SDC3: variants seen among roughly 807,000 people sequenced by gnomAD.
The protein encoded by SDC3 is syndecan-3.
Under a neutral mutation model 24.4 loss-of-function variants are expected in SDC3, and 13 were observed. The observed-to-expected ratio is 0.53, with a 90% CI of 0.35 to 0.85. The LOEUF (loss-of-function observed/expected upper bound fraction) is 0.85. Ranked by LOEUF, SDC3 falls within the 40% of genes least tolerant of loss-of-function variation. SDC3 has a pLI of 0.01. For missense variants in SDC3, 571 were observed against 584.5 expected, an observed-to-expected ratio of 0.98 and a Z score of 0.24; for synonymous variants, 295 against 260.9, an observed-to-expected ratio of 1.13 and a Z score of -1.26.
intron 2 of SDC3, 50 bp from the exon 3 acceptor site, chr1:30,877,215 G>C (rs746457510): frequency 2.5e-6 from 4 of 1,610,598 alleles, no homozygotes; most frequent in Non-Finnish European, 3.4e-6. Flanking sequence ...GTGGTTGTGA[G>C]GGGCATGAGG....
chr1:30,882,720 C>G (rs1570003869), intron 1 of SDC3, among the ~76,000 whole-genome samples: 1 of 152,238 alleles, frequency 6.6e-6, no homozygotes, highest in Non-Finnish European at 1.5e-5. Flanking sequence ...ACCCCATCCT[C>G]TCTCAGAGCC....
intron 1 of SDC3, among the ~76,000 whole-genome samples, chr1:30,904,922 C>T (rs1005085914): frequency 6.6e-6 from 1 of 152,178 alleles, no homozygotes; most frequent in African/African-American, 2.4e-5. Flanking sequence ...GAGGCTGACA[C>T]CATTACTGTC....
chr1:30,893,274 A>C, intron 1 of SDC3, among the ~76,000 whole-genome samples: 1 of 99,874 alleles, frequency 1.0e-5, no homozygotes, highest in Non-Finnish European at 1.9e-5. Flanking sequence ...CCACTGTGCC[A>C]TGGTCCATAC....
At chr1:30,905,538 G>A (rs189335511) in intron 1 of SDC3, among the ~76,000 whole-genome samples, 55 of 151,718 alleles carry the variant, frequency 3.6e-4, no homozygotes, top group African/African-American at 1.2e-3. Context: ...TTCCATTCTC[G>A]CATTGTCTCC....
chr1:30,876,834 A>C lies in SDC3; in HGVS notation c.588T>G (p.Phe196Leu), dbSNP rs1282927830. 1.2e-6 allele frequency: 2 copies of C among 1,611,536 alleles called. No individual in the cohort carries two copies. The highest frequency in any genetic ancestry group is 2.7e-5 in the African/African-American group (2 of 74,754). Reference protein sequence around the residue: ...ATPSTPAAPPFTATTAVIRTT... With the variant: ...ATPSTPAAPPLTATTAVIRTT... ...TCCTTATAACAGCAGTGGTGGCCGT[A>C]AAAGGGGGTGCTGCAGGGGTGCTGG... is the stretch of plus-strand genomic sequence containing the variant. Residue 196 changes from phenylalanine to leucine, a missense_variant, in exon 3 of 5, where the codon TTT (phenylalanine) becomes TTG (leucine). This residue lies in a region of SDC3 where 497 missense variants were observed against 471.6 expected (regional missense o/e 1.05). Transcript: ENST00000339394.
In SDC3 at chr1:30,874,411, G is replaced by A. The variant is rs1639595369; in HGVS notation, c.1048C>T (p.Leu350=). 1 of 1,614,178 alleles carries A rather than the reference G, an allele frequency of 6.2e-7. No homozygotes were observed. The highest frequency in any genetic ancestry group is 1.6e-4 in the Middle Eastern group (1 of 6,062). ...AAKASSPPGT[L]PKGARPGPGL... is the part of the protein sequence containing the mutation. ...GGGCCCGGGCGGGCACCCTTGGGCA[G>A]TGTCCCAGGTGGAGATGATGCCTTG... Residue 350 remains leucine (L), a synonymous_variant, in exon 4 of 5, where the codon CTG becomes TTG. Transcript: ENST00000339394.
chr1:30,907,036 G>T (rs1172563946), intron 1 of SDC3, among the ~76,000 whole-genome samples: 2 of 152,188 alleles, frequency 1.3e-5, no homozygotes, highest in Admixed American at 1.3e-4. Flanking sequence ...GTCCATCCAA[G>T]AAGCAAGCTT....
At chr1:30,907,485 CGCT>C (rs1288377324) in intron 1 of SDC3, among the ~76,000 whole-genome samples, 1 of 152,206 alleles carries the variant, frequency 6.6e-6, no homozygotes, top group Non-Finnish European at 1.5e-5. Context: ...TGCATGCACA[CGCT>C]GCTATGTGCA....
intron 3 of SDC3, 132 bp from the exon 4 acceptor site, chr1:30,874,720 A>G (rs1569989114): frequency 1.2e-6 from 1 of 819,652 alleles, no homozygotes; most frequent in African/African-American, 1.7e-5. Flanking sequence ...CACTATCCCC[A>G]TGAAGGAGTG....
At chr1:30,875,603 G>C (rs1165552185) in intron 3 of SDC3, among the ~76,000 whole-genome samples, 2 of 152,176 alleles carry the variant, frequency 1.3e-5, no homozygotes, top group Non-Finnish European at 2.9e-5. Context: ...AGTGCACCCA[G>C]CTGGGACCAG....
At chr1:30,874,970 G>A (rs1639613675) in intron 3 of SDC3, among the ~76,000 whole-genome samples, 1 of 152,218 alleles carries the variant, frequency 6.6e-6, no homozygotes, top group African/African-American at 2.4e-5. Flanking sequence ...GAAGCTGTTT[G>A]GGAACTGCTG....
intron 1 of SDC3, among the ~76,000 whole-genome samples, chr1:30,895,374 T>C (rs1639986300): frequency 6.6e-6 from 1 of 152,210 alleles, no homozygotes. Flanking sequence ...CCTCTGGATC[T>C]GAGATTGTCC....
chr1:30,891,407 G>A (rs1395658680), intron 1 of SDC3, among the ~76,000 whole-genome samples: 2 of 152,236 alleles, frequency 1.3e-5, no homozygotes, highest in Non-Finnish European at 2.9e-5. Context: ...GCAGAGGCCT[G>A]TCTGTCCTGG....
At chr1:30,879,301 C>T (rs566268011) in intron 1 of SDC3, among the ~76,000 whole-genome samples, 18 of 152,280 alleles carry the variant, frequency 1.2e-4, no homozygotes, top group African/African-American at 4.3e-4. Context: ...CCAGGAGGTG[C>T]CCCCTCACAA....
rs572638349 is a variant in SDC3, at chr1:30,873,914, G to A, written c.1162+383C>T. ...TAGATGCGGCCAGGGCAGGTCCACA[G>A]GGACTGGGGTCAAAAACTGGGGAAG... On this transcript the variant is annotated intron_variant, in intron 4 of 4. Coordinates refer to ENST00000339394, the MANE Select transcript of SDC3 (RefSeq NM_014654.4). 5.3e-5 allele frequency among the ~76,000 whole-genome samples: 8 copies of A among 152,206 alleles called. No homozygotes were observed. In the South Asian group the frequency reaches 1.7e-3, roughly 32 times the overall value.
intron 1 of SDC3, among the ~76,000 whole-genome samples, chr1:30,884,735 T>C (rs1166251492): frequency 2.0e-5 from 3 of 152,156 alleles, no homozygotes; most frequent in Non-Finnish European, 4.4e-5. Context: ...CCAAGCATGG[T>C]GGTCTAAGGG....
chr1:30,877,388 G>T (rs202203167), intron 2 of SDC3: 66 of 639,810 alleles, frequency 1.0e-4, no homozygotes, highest in Non-Finnish European at 1.6e-4. Context: ...AATTCTGGGG[G>T]CCGCCTCTCC....
Position 30,908,436 on chromosome 1 carries a change from G to T in SDC3, c.138+13C>A, listed in dbSNP as rs1482668333. 2.9e-6 allele frequency: 3 copies of T among 1,034,124 alleles called. No individual in the cohort carries two copies. Among genetic ancestry groups the T allele is most frequent in the Middle Eastern group, 4.7e-4 (1 of 2,108 alleles). 64.1% of individuals were successfully genotyped at this position (1,034,124 alleles called of 1,614,324 possible). A position where few individuals can be genotyped will look rare whatever the true frequency, so the allele number is the denominator to read the frequency against. On this transcript the variant is annotated intron_variant, in intron 1 of 4. Transcript: ENST00000339394. ...GGGGAGCCGTGGCGGGGATCCGGGC[G>T]CGTGTCACTCACCCCCGCGGCGCGC...
chr1:30,900,597 T>C (rs1638396212), intron 1 of SDC3, among the ~76,000 whole-genome samples: 1 of 151,458 alleles, frequency 6.6e-6, no homozygotes, highest in African/African-American at 2.4e-5. Context: ...TCCCCCCAGC[T>C]CTCCAGGAGC....
Sources: gnomAD v4.1 joint callset for allele counts (sites outside exome capture counted in the v4.1 genomes callset) on GRCh38, gnomAD v4.1.1 for gene constraint, gnomAD v4.1.1 regional missense constraint, MANE v1.5 for transcripts, NCBI Gene and HGNC (gene_info 2026-07-23, HGNC 2026-07-21) for gene names.